Variants in ANAPC1 observed in about 807,000 individuals in gnomAD.
The protein encoded by ANAPC1 is anaphase promoting complex subunit 1, also known as anaphase-promoting complex subunit 1.
A neutral mutation model predicts 208.0 loss-of-function variants in ANAPC1; 36 were observed. That is an observed-to-expected ratio of 0.17 (90% confidence interval 0.13 to 0.23). The LOEUF (loss-of-function observed/expected upper bound fraction) is 0.23, where lower values mean the gene tolerates loss of function less well. ANAPC1 is among the 10% of genes least tolerant of loss of function. ANAPC1 has a pLI of 1.00. For missense variants in ANAPC1, 942 were observed against 2,011.6 expected (o/e 0.47, Z 10.17); for synonymous variants, 378 against 695.2 (o/e 0.54, Z 7.18).
intron 39 of ANAPC1, among the ~76,000 whole-genome samples, chr2:111,787,195 G>C (rs1272431339): frequency 6.6e-6 from 1 of 150,970 alleles, no homozygotes; most frequent in East Asian, 1.9e-4. Context: ...AAATGGCTTC[G>C]TTTACAATAG....
chr2:111,837,415 T>C (rs1240853029), intron 18 of ANAPC1, among the ~76,000 whole-genome samples: 2 of 151,766 alleles, frequency 1.3e-5, no homozygotes, highest in African/African-American at 4.8e-5. Flanking sequence ...AGGTCACGAG[T>C]TCAAGACCAG....
chr2:111,773,823 T>C (rs1200556315), intron 46 of ANAPC1, among the ~76,000 whole-genome samples: 3 of 151,984 alleles, frequency 2.0e-5, no homozygotes, highest in Admixed American at 6.6e-5. Flanking sequence ...AAAAGAGGCT[T>C]TGTTGAGGAA....
intron 26 of ANAPC1, among the ~76,000 whole-genome samples, chr2:111,820,809 CAA>C (rs71280886): frequency 7.4e-6 from 1 of 135,654 alleles, no homozygotes; most frequent in Admixed American, 7.4e-5. Flanking sequence ...CTATCATATC[CAA>C]AAAAAAAAAA....
downstream of ANAPC1, among the ~76,000 whole-genome samples, chr2:111,767,236 G>C (rs2104443831): frequency 6.6e-6 from 1 of 151,260 alleles, no homozygotes; most frequent in African/African-American, 2.5e-5. Flanking sequence ...AGGTAGAGCA[G>C]TGTGACTACT....
chr2:111,841,107 A>C (rs1680736604), intron 17 of ANAPC1, among the ~76,000 whole-genome samples: 1 of 152,230 alleles, frequency 6.6e-6, no homozygotes, highest in South Asian at 2.1e-4. Context: ...GAAATTGCAG[A>C]GAGCAATTCC....
intron 1 of ANAPC1, among the ~76,000 whole-genome samples, chr2:111,882,737 C>CAA (rs11450941): frequency 4.4e-5 from 5 of 114,408 alleles, no homozygotes; most frequent in African/African-American, 1.3e-4. Context: ...AACTCCGTCT[C>CAA]AAAAAAAAAA....
intron 3 of ANAPC1, among the ~76,000 whole-genome samples, chr2:111,877,356 TTTTC>T (rs1683074314): frequency 6.6e-6 from 1 of 152,162 alleles, no homozygotes; most frequent in South Asian, 2.1e-4. Flanking sequence ...CCCCACCTTT[TTTTC>T]TTTCTCCGTG....
chr2:111,802,340 G>A lies in ANAPC1; in HGVS notation c.4221+88C>T, dbSNP rs568245535. The A allele has an allele frequency of 7.1e-5, 88 of 1,242,802 alleles. No homozygotes were observed. The South Asian group carries it at 1.0e-3, about 14-fold the overall frequency. 77.0% of individuals were successfully genotyped at this position (1,242,802 alleles called of 1,614,324 possible). A position where few individuals can be genotyped will look rare whatever the true frequency, so the allele number is the denominator to read the frequency against. On this transcript the variant is annotated intron_variant, in intron 33 of 47. Coordinates refer to ENST00000341068, the MANE Select transcript of ANAPC1 (RefSeq NM_022662.4). Reference sequence around the variant, plus strand: ...AACCTTCTGAAGTGCTGGGATTACAGGCGTAAGCCACTGTGCCCGGCTTAC... The same window carrying A: ...AACCTTCTGAAGTGCTGGGATTACAAGCGTAAGCCACTGTGCCCGGCTTAC...
At position 111,864,944 on chromosome 2, in the gene ANAPC1, A is replaced by T; in HGVS notation, c.693T>A (p.Phe231Leu). 1 of 1,608,664 alleles carries T rather than the reference A, an allele frequency of 6.2e-7. No homozygotes were observed. The change falls in exon 8 of 48, where the codon TTT becomes TTA. Residue 231 changes from phenylalanine (F) to leucine (L), a missense_variant. By Grantham distance (22) the Phe-to-Leu change is conservative. Coordinates refer to ENST00000341068, the MANE Select transcript of ANAPC1 (RefSeq NM_022662.4). ...TPLVCKSGSL[F>L]GSSRVQYVVD... ...CAACATATTGCACCCGTGATGAACC[A>T]AAAAGACCTTAAAAATAAAATAGAA...
intron 9 of ANAPC1, among the ~76,000 whole-genome samples, chr2:111,862,954 T>C (rs1445358011): frequency 6.6e-6 from 1 of 151,944 alleles, no homozygotes. Flanking sequence ...GCACCAGATA[T>C]ACATATCTGG....
chr2:111,878,950 C>T lies in ANAPC1; in HGVS notation c.235G>A (p.Gly79Arg), dbSNP rs1683157950. 1 of 1,585,442 alleles carries T rather than the reference C, an allele frequency of 6.3e-7. No homozygotes were observed. Residue 79 changes from glycine (G) to arginine (R), a missense_variant, in exon 3 of 48, where the codon GGA becomes AGA. Gly to Arg is a moderately radical substitution (Grantham distance 125). Transcript: ENST00000341068. ...ACATCTTCTCCAATTTCACTTACTC[C>T]TTTCCTTAACTGCCAGCTTTCCTTA... is the stretch of plus-strand genomic sequence containing the variant. The part of the protein sequence containing the change: ...KQKESWQLRK[G>R]VSEIGEDVDY...
At chr2:111,845,607 T>A (rs1681010246) in intron 16 of ANAPC1, among the ~76,000 whole-genome samples, 1 of 152,198 alleles carries the variant, frequency 6.6e-6, no homozygotes, top group South Asian at 2.1e-4. Flanking sequence ...ATTTAATTTA[T>A]TCCATTATTA....
intron 24 of ANAPC1, among the ~76,000 whole-genome samples, chr2:111,823,947 C>A: frequency 7.0e-6 from 1 of 143,074 alleles, no homozygotes; most frequent in Non-Finnish European, 1.6e-5. Flanking sequence ...CTAAACTAAA[C>A]ATATACGTTT....
chr2:111,832,630 G>A (rs1235149652), intron 20 of ANAPC1, among the ~76,000 whole-genome samples: 1 of 152,130 alleles, frequency 6.6e-6, no homozygotes, highest in African/African-American at 2.4e-5. Context: ...ACAAGTCTAA[G>A]TTAAAAGCAT....
intron 42 of ANAPC1, among the ~76,000 whole-genome samples, 170 bp from the exon 43 acceptor site, chr2:111,782,677 G>A (rs1438463492): frequency 6.6e-6 from 1 of 152,108 alleles, no homozygotes; most frequent in Non-Finnish European, 1.5e-5. Flanking sequence ...AGAAAGCCTA[G>A]AATAAAGTTC....
chr2:111,881,201 T>C (rs997008935), intron 1 of ANAPC1, among the ~76,000 whole-genome samples: 1 of 152,176 alleles, frequency 6.6e-6, no homozygotes, highest in African/African-American at 2.4e-5. Context: ...CATAACTACA[T>C]GGCTTTTCAA....
chr2:111,848,354 C>T (rs976539440), intron 14 of ANAPC1, among the ~76,000 whole-genome samples: 3 of 149,508 alleles, frequency 2.0e-5, no homozygotes. Flanking sequence ...CTTGCTTTTT[C>T]TGCTCTGGCC....
At chr2:111,829,740 A>T (rs1271553065) in intron 21 of ANAPC1, among the ~76,000 whole-genome samples, 2 of 152,214 alleles carry the variant, frequency 1.3e-5, no homozygotes, top group Admixed American at 1.3e-4. Context: ...AAATTTCAAC[A>T]GGATTTTTCT....
intron 29 of ANAPC1, among the ~76,000 whole-genome samples, chr2:111,806,110 G>A (rs941702688): frequency 4.0e-5 from 6 of 150,536 alleles, no homozygotes; most frequent in African/African-American, 1.2e-4. Flanking sequence ...GCCAATTTAA[G>A]TCTTTATAAG....
Sources: allele counts gnomAD v4.1 joint callset (sites outside exome capture counted in the v4.1 genomes callset), GRCh38; gene constraint gnomAD v4.1.1; transcripts MANE v1.5; gene names NCBI Gene and HGNC (gene_info 2026-07-23, HGNC 2026-07-21).